Variants in DPP6 observed in about 807,000 individuals in gnomAD.
DPP6 encodes the protein dipeptidyl peptidase like 6, also known as A-type potassium channel modulatory protein DPP6.
A neutral mutation model predicts 122.6 loss-of-function variants in DPP6; 69 were observed. That is an observed-to-expected ratio of 0.56 (90% CI 0.46 to 0.69). The LOEUF (loss-of-function observed/expected upper bound fraction) is 0.69. DPP6 is among the 30% of genes least tolerant of loss of function. The pLI is 0.00. For synonymous variants in DPP6, 418 were observed against 433.1 expected (o/e 0.97, Z 0.43); for missense variants, 928 against 1,116.9 (o/e 0.83, Z 2.41).
intron 10 of DPP6, among the ~76,000 whole-genome samples, chr7:154,792,243 G>A (rs1200921528): frequency 3.3e-5 from 5 of 152,246 alleles, no homozygotes; most frequent in Non-Finnish European, 7.3e-5. Context: ...TGCAACCACA[G>A]GCCCCATGTG....
At chr7:153,774,755 A>C in the DPP6 span, among the ~76,000 whole-genome samples, 4 of 152,118 alleles carry the variant, frequency 2.6e-5, no homozygotes, top group African/African-American at 9.7e-5. Flanking sequence ...ACTTGAGGCC[A>C]AGAGTTCAAA....
At chr7:154,796,798 T>C (rs1798075246) in intron 12 of DPP6, among the ~76,000 whole-genome samples, 1 of 152,240 alleles carries the variant, frequency 6.6e-6, no homozygotes, top group Non-Finnish European at 1.5e-5. Flanking sequence ...CTGCTGCTTC[T>C]GCCTGTGGAG....
intron 1 of DPP6, among the ~76,000 whole-genome samples, chr7:154,040,693 T>C (rs62485562): frequency 0.33 from 49,635 of 151,736 alleles, 8,471 homozygotes; most frequent in Middle Eastern, 0.4. Flanking sequence ...TCATGTGTGC[T>C]GAAAGTATTT....
chr7:154,357,447 C>A (rs542087599), intron 1 of DPP6, among the ~76,000 whole-genome samples: 1 of 152,126 alleles, frequency 6.6e-6, no homozygotes, highest in Non-Finnish European at 1.5e-5. Context: ...ATTGCATCAA[C>A]GGCTTTGGTA....
the DPP6 span, among the ~76,000 whole-genome samples, chr7:153,812,016 G>A: frequency 4.6e-5 from 7 of 150,646 alleles, no homozygotes; most frequent in South Asian, 2.1e-4. Flanking sequence ...TGTTTTTACC[G>A]CCCAAATGCA....
the DPP6 span, among the ~76,000 whole-genome samples, chr7:153,818,424 A>T: frequency 6.6e-6 from 1 of 152,024 alleles, no homozygotes; most frequent in East Asian, 1.9e-4. Flanking sequence ...GTAAAAGTAA[A>T]CATTTAGGTA....
chr7:154,217,506 CTT>C (rs1358856171), intron 1 of DPP6, among the ~76,000 whole-genome samples: 4 of 152,132 alleles, frequency 2.6e-5, no homozygotes, highest in African/African-American at 9.7e-5. Context: ...TAGAAATAAA[CTT>C]AATTATTTAG....
In DPP6 at chr7:154,544,153, T is replaced by TTATA. The variant is rs565185981; in HGVS notation, c.552+3540_552+3543dup. Among the ~76,000 whole-genome samples, 1,373 of 145,936 alleles carry TTATA rather than the reference T, an allele frequency of 9.4e-3. 23 individuals carry two copies. The highest frequency in any genetic ancestry group is 0.069 in the East Asian group (349 of 5,086). ...AATATATGTATTTTATATATATATT[T>TTATA]TATATATATATATATAGTGGGCTAT... On this transcript the variant is annotated intron_variant, in intron 4 of 25. Coordinates refer to ENST00000377770, the MANE Select transcript of DPP6 (RefSeq NM_130797.4).
chr7:154,156,469 T>C (rs1796686029), intron 1 of DPP6, among the ~76,000 whole-genome samples: 1 of 152,186 alleles, frequency 6.6e-6, no homozygotes, highest in African/African-American at 2.4e-5. Flanking sequence ...TCAATACTAG[T>C]GGTTGAGACT....
intron 16 of DPP6, among the ~76,000 whole-genome samples, chr7:154,827,403 G>A (rs966314958): frequency 2.6e-5 from 4 of 151,944 alleles, no homozygotes; most frequent in African/African-American, 9.7e-5. Flanking sequence ...AAGACAGGTG[G>A]GCATCTGCAC....
the DPP6 span, among the ~76,000 whole-genome samples, chr7:153,869,905 T>C: frequency 6.6e-6 from 1 of 152,220 alleles, no homozygotes; most frequent in African/African-American, 2.4e-5. Context: ...CTCCTTCACT[T>C]ATGAAGCTTA....
At chr7:154,042,901 G>A (rs1585218891) in intron 1 of DPP6, among the ~76,000 whole-genome samples, 1 of 152,162 alleles carries the variant, frequency 6.6e-6, no homozygotes, top group Non-Finnish European at 1.5e-5. Context: ...AGAGTTGGGT[G>A]TAGTTTATCC....
intron 4 of DPP6, among the ~76,000 whole-genome samples, chr7:154,547,284 G>A (rs981408998): frequency 3.3e-5 from 5 of 152,228 alleles, no homozygotes; most frequent in South Asian, 4.1e-4. Flanking sequence ...GGAAACAGCC[G>A]TGTTTTTGTG....
At chr7:154,801,034 T>C (rs1007360286) in intron 12 of DPP6, among the ~76,000 whole-genome samples, 1 of 151,980 alleles carries the variant, frequency 6.6e-6, no homozygotes, top group African/African-American at 2.4e-5. Flanking sequence ...AGAGCAGAGT[T>C]CCTGTTCTCA....
In DPP6 at chr7:153,943,700, A is replaced by C. The variant is rs542495806; in HGVS notation, c.51+55966A>C. 7.0e-4 allele frequency among the ~76,000 whole-genome samples: 107 copies of C among 152,344 alleles called. 1 individual carries two copies. Among genetic ancestry groups the C allele is most frequent in the African/African-American group, 2.4e-3 (98 of 41,580 alleles). On this transcript the variant is annotated intron_variant, in intron 1 of 25. Transcript: ENST00000404039. ...CGTGGTGTGAATGAACAAGGAAGTG[A>C]GAAGAGTTTTTCATTGCTTATTGCC...
At chr7:154,308,437 A>T (rs1806566400) in intron 1 of DPP6, among the ~76,000 whole-genome samples, 1 of 152,174 alleles carries the variant, frequency 6.6e-6, no homozygotes, top group African/African-American at 2.4e-5. Flanking sequence ...TTCTCTTTGG[A>T]GATGCTAAAG....
intron 1 of DPP6, among the ~76,000 whole-genome samples, chr7:154,211,337 A>T (rs1205503868): frequency 2.6e-5 from 4 of 152,154 alleles, no homozygotes; most frequent in Non-Finnish European, 1.5e-5. Flanking sequence ...GCATAGGTTC[A>T]TGAGGAGGAA....
chr7:154,654,576 A>G (rs1199111010), intron 6 of DPP6, among the ~76,000 whole-genome samples: 2 of 151,302 alleles, frequency 1.3e-5, no homozygotes, highest in African/African-American at 2.4e-5. Context: ...ATGCCACCAC[A>G]CCCAGCTAAT....
At position 154,801,352 on chromosome 7, in the gene DPP6, C is replaced by T. The variant is rs756194827; in HGVS notation, c.1300-3C>T. 7 of 1,580,000 alleles carry T rather than the reference C, an allele frequency of 4.4e-6. No individual in the cohort carries two copies. The East Asian group carries it at 1.6e-4, about 36-fold the overall frequency. On this transcript the variant is annotated splice_polypyrimidine_tract_variant and splice_region_variant and intron_variant, in intron 12 of 25. Transcript: ENST00000377770. Reference sequence around the variant, plus strand: ...TGGTTTCATCCGTGGCCTTTGTCCACAGAATGAAGAACCTGTGTTCTCCAA... The same window carrying T: ...TGGTTTCATCCGTGGCCTTTGTCCATAGAATGAAGAACCTGTGTTCTCCAA...
Sources: allele counts gnomAD v4.1 joint callset (sites outside exome capture counted in the v4.1 genomes callset), GRCh38; gene constraint gnomAD v4.1.1; transcripts MANE v1.5; gene names NCBI Gene and HGNC (gene_info 2026-07-23, HGNC 2026-07-21).